Variants in EPHA3 observed in about 807,000 individuals in gnomAD.
The protein encoded by EPHA3 is EPH receptor A3.
In EPHA3, 42 loss-of-function variants were observed where a neutral mutation model predicts 107.1. That is an observed-to-expected ratio of 0.39 (90% CI 0.31 to 0.51). The LOEUF is 0.51. EPHA3 is among the 20% of genes least tolerant of loss of function. The pLI is 0.78. For missense variants in EPHA3, 1,183 were observed against 1,211.2 expected (o/e 0.98, Z 0.35); for synonymous variants, 461 against 424.8 (o/e 1.09, Z -1.05).
At chr3:89,400,596 T>C (rs920272597) in intron 7 of EPHA3, among the ~76,000 whole-genome samples, 9 of 151,968 alleles carry the variant, frequency 5.9e-5, no homozygotes, top group African/African-American at 2.2e-4. Flanking sequence ...TAAGAAAAAC[T>C]TGAAGAACAG....
At chr3:89,439,627 A>G (rs923017927) in intron 13 of EPHA3, among the ~76,000 whole-genome samples, 2 of 152,104 alleles carry the variant, frequency 1.3e-5, no homozygotes, top group African/African-American at 4.8e-5. Flanking sequence ...TAAAAATTAG[A>G]GATTTTAAAA....
At chr3:89,437,170 T>C (rs1019267269) in intron 13 of EPHA3, among the ~76,000 whole-genome samples, 11 of 152,178 alleles carry the variant, frequency 7.2e-5, no homozygotes, top group African/African-American at 2.7e-4. Flanking sequence ...AAGCCACTGT[T>C]ATAGATACTT....
intron 3 of EPHA3, among the ~76,000 whole-genome samples, chr3:89,299,777 T>C (rs1706440501): frequency 6.6e-6 from 1 of 152,024 alleles, no homozygotes; most frequent in Non-Finnish European, 1.5e-5. Context: ...AGAAAATGTA[T>C]TGGGCAGGAG....
At chr3:89,295,222 G>A (rs1337813086) in intron 3 of EPHA3, among the ~76,000 whole-genome samples, 1 of 152,172 alleles carries the variant, frequency 6.6e-6, no homozygotes, top group Non-Finnish European at 1.5e-5. Flanking sequence ...ATAGTGGTAT[G>A]TCTAAAAAAC....
At chr3:89,456,823 A>G (rs1327317355) in intron 15 of EPHA3, among the ~76,000 whole-genome samples, 1 of 152,214 alleles carries the variant, frequency 6.6e-6, no homozygotes, top group Non-Finnish European at 1.5e-5. Context: ...TTAAGTTTTG[A>G]TAGTACATCA....
intron 3 of EPHA3, among the ~76,000 whole-genome samples, chr3:89,263,018 G>C (rs967923041): frequency 7.9e-6 from 1 of 126,808 alleles, no homozygotes; most frequent in African/African-American, 2.9e-5. Context: ...TCGGATACAT[G>C]TGCAGAAGGT....
chr3:89,436,584 G>A (rs531989873), intron 13 of EPHA3, among the ~76,000 whole-genome samples: 2 of 152,250 alleles, frequency 1.3e-5, no homozygotes, highest in Admixed American at 6.5e-5. Context: ...AATGTCTGTC[G>A]CTCTTGTTTT....
At chr3:89,220,383 C>A (rs1704344182) in intron 3 of EPHA3, among the ~76,000 whole-genome samples, 1 of 151,924 alleles carries the variant, frequency 6.6e-6, no homozygotes, top group Admixed American at 6.6e-5. Flanking sequence ...GACACCTCTG[C>A]AAGAAAAACA....
intron 11 of EPHA3, among the ~76,000 whole-genome samples, chr3:89,425,312 G>T (rs1048483302): frequency 6.6e-6 from 1 of 150,670 alleles, no homozygotes; most frequent in African/African-American, 2.4e-5. Flanking sequence ...GAAAATCTAT[G>T]ATACATTTTT....
At chr3:89,197,403 A>G (rs1157196658) in intron 2 of EPHA3, among the ~76,000 whole-genome samples, 2 of 16,222 alleles carry the variant, frequency 1.2e-4, no homozygotes, top group African/African-American at 5.4e-4. Context: ...GGTATGAAAT[A>G]AAAACATAAA....
chr3:89,367,417 G>A (rs181459267), intron 5 of EPHA3, among the ~76,000 whole-genome samples: 1 of 150,544 alleles, frequency 6.6e-6, no homozygotes, highest in East Asian at 2.0e-4. Flanking sequence ...CTCTGTCACT[G>A]CTCTTATAGG....
At chr3:89,193,499 G>A (rs574261035) in intron 2 of EPHA3, among the ~76,000 whole-genome samples, 142 of 152,128 alleles carry the variant, frequency 9.3e-4, no homozygotes, top group Non-Finnish European at 1.3e-3. Context: ...GAGAGGAGGA[G>A]TAAGTGCTAG....
intron 2 of EPHA3, among the ~76,000 whole-genome samples, chr3:89,198,878 T>A (rs1344264210): frequency 6.6e-6 from 1 of 152,222 alleles, no homozygotes; most frequent in Non-Finnish European, 1.5e-5. Context: ...GTTGGTCATT[T>A]GTAATAATTC....
intron 15 of EPHA3, among the ~76,000 whole-genome samples, chr3:89,454,382 C>A (rs1367023658): frequency 6.6e-6 from 1 of 152,152 alleles, no homozygotes; most frequent in African/African-American, 2.4e-5. Context: ...ACCCATTCAC[C>A]TAACCAGGAA....
intron 15 of EPHA3, among the ~76,000 whole-genome samples, chr3:89,469,393 T>A (rs1222761532): frequency 6.6e-6 from 1 of 152,206 alleles, no homozygotes; most frequent in African/African-American, 2.4e-5. Flanking sequence ...TGACCATTTT[T>A]ATCAAATACG....
At chr3:89,347,600 C>T (rs930070127) in intron 5 of EPHA3, among the ~76,000 whole-genome samples, 2 of 149,990 alleles carry the variant, frequency 1.3e-5, no homozygotes, top group African/African-American at 4.9e-5. Flanking sequence ...ATTGAATACC[C>T]TTTATTTCCT....
chr3:89,228,679 G>A (rs1443343470), intron 3 of EPHA3, among the ~76,000 whole-genome samples: 2 of 151,978 alleles, frequency 1.3e-5, no homozygotes, highest in Non-Finnish European at 2.9e-5. Flanking sequence ...TATGAAAAAT[G>A]TGCCGTGTTC....
intron 10 of EPHA3, among the ~76,000 whole-genome samples, chr3:89,417,303 A>T (rs1436748170): frequency 6.6e-6 from 1 of 151,468 alleles, no homozygotes; most frequent in Non-Finnish European, 1.5e-5. Flanking sequence ...CGGCTGCAGG[A>T]TCCATGCTCT....
intron 5 of EPHA3, among the ~76,000 whole-genome samples, chr3:89,371,737 C>CA (rs929662635): frequency 2.0e-5 from 3 of 150,850 alleles, no homozygotes; most frequent in Non-Finnish European, 4.4e-5. Context: ...CACACACACA[C>CA]ACACAACACA....
Sources: allele counts gnomAD v4.1 joint callset (sites outside exome capture counted in the v4.1 genomes callset), GRCh38; gene constraint gnomAD v4.1.1; transcripts MANE v1.5; gene names NCBI Gene and HGNC (gene_info 2026-07-23, HGNC 2026-07-21).